Variants in HPSE2 observed in about 807,000 individuals in gnomAD.
HPSE2 encodes inactive heparanase-2.
In HPSE2, 38 loss-of-function variants were observed where a neutral mutation model predicts 60.5. The ratio of observed to expected loss-of-function variants is 0.63; its 90% CI spans 0.48 to 0.82. The LOEUF is 0.82. Among genes scored for constraint, HPSE2 ranks in the 40% least tolerant of loss-of-function variants. The probability of loss-of-function intolerance (pLI) is 0.00; values close to 1 mark genes in which losing one functional copy is unlikely to be tolerated. For missense variants in HPSE2, 713 were observed against 740.4 expected (o/e 0.96, Z 0.43); for synonymous variants, 295 against 293.2 (o/e 1.01, Z -0.06).
In HPSE2 at chr10:98,485,431, T is replaced by G. The variant is rs531095981; in HGVS notation, c.1467-2649A>C. 2.6e-5 allele frequency among the ~76,000 whole-genome samples: 4 copies of G among 152,342 alleles called. 1 individual carries two copies. In the South Asian group the frequency reaches 8.3e-4, roughly 32 times the overall value. ...TGTTCTGATAAATTATTAAAACGAC[T>G]CTTTCATCCAGTTCCTCCTCCTCCG... On this transcript the variant is annotated intron_variant, in intron 10 of 11. Coordinates refer to ENST00000370552, the MANE Select transcript of HPSE2 (RefSeq NM_021828.5).
intron 3 of HPSE2, among the ~76,000 whole-genome samples, chr10:98,776,068 T>G (rs754926535): frequency 3.7e-4 from 57 of 152,106 alleles, no homozygotes; most frequent in Admixed American, 1.6e-3. Flanking sequence ...CTCAAATAGT[T>G]GCCACAGCCT....
chr10:98,650,425 T>C (rs570190305), intron 6 of HPSE2, among the ~76,000 whole-genome samples: 2 of 152,346 alleles, frequency 1.3e-5, no homozygotes, highest in Admixed American at 1.3e-4. Context: ...AACACCTTTA[T>C]ACCAATCAAT....
At chr10:99,049,840 G>T (rs1957947961) in intron 3 of HPSE2, among the ~76,000 whole-genome samples, 1 of 152,016 alleles carries the variant, frequency 6.6e-6, no homozygotes, top group South Asian at 2.1e-4. Context: ...TTTGCAAATT[G>T]CTTATCTAAT....
Position 99,182,499 on chromosome 10 carries a change from A to G in HPSE2, c.449-38100T>C, listed in dbSNP as rs527975676. Reference sequence around the variant, plus strand: ...TGTTATGCTTCCTTTCCCATGGGACACTTTTGTATGCTAAGCAGATATTCA... The same window carrying G: ...TGTTATGCTTCCTTTCCCATGGGACGCTTTTGTATGCTAAGCAGATATTCA... On this transcript the variant is annotated intron_variant, in intron 2 of 11. Transcript: ENST00000370552. Among the ~76,000 whole-genome samples the G allele has an allele frequency of 3.9e-5, 6 of 152,276 alleles. No homozygotes were observed. The South Asian group carries it at 1.2e-3, about 32-fold the overall frequency.
chr10:98,715,700 A>G (rs1251883308), intron 5 of HPSE2, among the ~76,000 whole-genome samples: 1 of 152,070 alleles, frequency 6.6e-6, no homozygotes, highest in Non-Finnish European at 1.5e-5. Flanking sequence ...GTCTAAAAGA[A>G]CAATGTATAT....
intron 3 of HPSE2, among the ~76,000 whole-genome samples, chr10:98,936,079 C>T (rs1297642777): frequency 1.4e-5 from 2 of 144,492 alleles, no homozygotes. Context: ...CAGTCCAAAC[C>T]TCCCAGTCTC....
chr10:99,299,037 G>C, the HPSE2 span, among the ~76,000 whole-genome samples: 6 of 152,158 alleles, frequency 3.9e-5, no homozygotes, highest in South Asian at 4.2e-4. Context: ...AATGTCTCTG[G>C]CTCCTGATAC....
intron 3 of HPSE2, among the ~76,000 whole-genome samples, chr10:99,093,769 C>T (rs951359000): frequency 6.6e-6 from 1 of 152,174 alleles, no homozygotes; most frequent in Non-Finnish European, 1.5e-5. Context: ...GTTTCCAACA[C>T]ATGAATTTTG....
intron 9 of HPSE2, among the ~76,000 whole-genome samples, chr10:98,572,156 G>A (rs1436143156): frequency 6.6e-6 from 1 of 152,044 alleles, no homozygotes; most frequent in African/African-American, 2.4e-5. Flanking sequence ...GGCCAGGCTG[G>A]TCTCGAACTC....
intron 3 of HPSE2, among the ~76,000 whole-genome samples, chr10:98,989,494 T>G: frequency 3.1e-5 from 4 of 129,534 alleles, no homozygotes; most frequent in South Asian, 5.2e-4. Flanking sequence ...CGGGGACTGT[T>G]GTGGGGTGGG....
chr10:98,824,873 T>G (rs1951506689), intron 3 of HPSE2, among the ~76,000 whole-genome samples: 1 of 152,222 alleles, frequency 6.6e-6, no homozygotes, highest in South Asian at 2.1e-4. Flanking sequence ...TTGCAGTTAT[T>G]TGCTTATTTC....
At chr10:99,158,453 G>T (rs1846675867) in intron 2 of HPSE2, among the ~76,000 whole-genome samples, 1 of 106,294 alleles carries the variant, frequency 9.4e-6, no homozygotes, top group African/African-American at 3.1e-5. Flanking sequence ...GTCCTTTGTA[G>T]GGACATGGAT....
intron 9 of HPSE2, among the ~76,000 whole-genome samples, chr10:98,610,873 C>T (rs1286417297): frequency 6.6e-6 from 1 of 152,168 alleles, no homozygotes; most frequent in Non-Finnish European, 1.5e-5. Flanking sequence ...AGTAATTCAC[C>T]ATTCCTTTCC....
chr10:99,232,002 G>C (rs1849659055), intron 2 of HPSE2, among the ~76,000 whole-genome samples: 2 of 152,176 alleles, frequency 1.3e-5, no homozygotes, highest in South Asian at 4.1e-4. Flanking sequence ...GGAACAGCCT[G>C]TTAAGCAGTT....
chr10:99,234,086 C>A (rs952417095), intron 1 of HPSE2, among the ~76,000 whole-genome samples: 1 of 152,216 alleles, frequency 6.6e-6, no homozygotes, highest in East Asian at 1.9e-4. Flanking sequence ...CTCCGTTGCA[C>A]CCTACATTCG....
At chr10:99,158,147 T>C (rs1265101302) in intron 2 of HPSE2, among the ~76,000 whole-genome samples, 1 of 64,044 alleles carries the variant, frequency 1.6e-5, no homozygotes, top group African/African-American at 4.2e-5. Flanking sequence ...ACTTTTACAC[T>C]GTTGGTGGGA....
intron 7 of HPSE2, among the ~76,000 whole-genome samples, chr10:98,632,441 G>A (rs545311001): frequency 1.3e-5 from 2 of 152,118 alleles, no homozygotes; most frequent in Non-Finnish European, 2.9e-5. Context: ...GGAAATATTT[G>A]TATCTAAGAA....
intron 2 of HPSE2, among the ~76,000 whole-genome samples, chr10:99,162,103 TG>T (rs1846868204): frequency 1.3e-5 from 2 of 152,262 alleles, no homozygotes; most frequent in South Asian, 2.1e-4. Flanking sequence ...AGATGGATGG[TG>T]GCAATGGTTT....
At chr10:98,504,020 T>A (rs1294648536) in intron 9 of HPSE2, among the ~76,000 whole-genome samples, 1 of 152,150 alleles carries the variant, frequency 6.6e-6, no homozygotes, top group African/African-American at 2.4e-5. Context: ...AAAAAATCAG[T>A]GAATAACTTA....
Sources: gnomAD v4.1 joint callset for allele counts (sites outside exome capture counted in the v4.1 genomes callset) on GRCh38, gnomAD v4.1.1 for gene constraint, MANE v1.5 for transcripts, NCBI Gene and HGNC (gene_info 2026-07-23, HGNC 2026-07-21) for gene names.